Variants in PCDHA8 observed in about 807,000 individuals in gnomAD.
PCDHA8 encodes protocadherin alpha 8.
In PCDHA8, 53 loss-of-function variants were observed where a neutral mutation model predicts 61.8. That is an observed-to-expected ratio of 0.86 (90% CI 0.69 to 1.08). PCDHA8 has a LOEUF of 1.08. PCDHA8 is among the 50% of genes least tolerant of loss of function. PCDHA8 has a pLI of 0.00. For synonymous variants in PCDHA8, 618 were observed against 556.6 expected (o/e 1.11, Z -1.55); for missense variants, 1,293 against 1,245.0 (o/e 1.04, Z -0.58).
chr5:140,952,571 C>G (rs571628495), intron 1 of PCDHA8, among the ~76,000 whole-genome samples: 2 of 152,252 alleles, frequency 1.3e-5, no homozygotes, highest in East Asian at 3.9e-4. Flanking sequence ...ACTTCGGTCC[C>G]AATCATTCAA....
intron 1 of PCDHA8, among the ~76,000 whole-genome samples, chr5:140,890,624 T>C (rs1487627842): frequency 6.6e-6 from 1 of 152,202 alleles, no homozygotes; most frequent in Non-Finnish European, 1.5e-5. Context: ...CCTAGAAAAT[T>C]AAGCATGTAT....
At chr5:140,898,400 C>T (rs1374307667) in intron 1 of PCDHA8, among the ~76,000 whole-genome samples, 1 of 152,178 alleles carries the variant, frequency 6.6e-6, no homozygotes, top group Non-Finnish European at 1.5e-5. Flanking sequence ...TTTCAGCTTT[C>T]TACATACGGC....
chr5:140,988,500 C>T (rs1340106461), intron 3 of PCDHA8, among the ~76,000 whole-genome samples: 1 of 152,116 alleles, frequency 6.6e-6, no homozygotes, highest in Non-Finnish European at 1.5e-5. Flanking sequence ...TAGGAGAAGC[C>T]ATGAAGCTTA....
intron 1 of PCDHA8, among the ~76,000 whole-genome samples, chr5:140,969,715 A>G (rs1312398688): frequency 6.6e-6 from 1 of 152,082 alleles, no homozygotes; most frequent in Non-Finnish European, 1.5e-5. Context: ...CTACAGGGAA[A>G]TTTTTCTTTT....
intron 1 of PCDHA8, chr5:140,883,838 GA>G: frequency 6.2e-7 from 1 of 1,612,738 alleles, no homozygotes; most frequent in Non-Finnish European, 8.5e-7. Context: ...GCAGCCGTTG[GA>G]CCACGAGGAG....
chr5:140,871,364 G>A lies in PCDHA8; in HGVS notation c.2394+27649G>A, dbSNP rs113722940. ...AGCTGGTCATACTCGCAGCAGAGGC[G>A]GCAGAGGGTGTGCTCTGAGGAGGGC... On this transcript the variant is annotated intron_variant, in intron 1 of 3. Transcript: ENST00000531613. The A allele has an allele frequency of 2.5e-5, 40 of 1,614,220 alleles. 1 individual carries two copies. The highest frequency in any genetic ancestry group is 2.0e-4 in the African/African-American group (15 of 75,074).
At chr5:140,871,418 G>A in intron 1 of PCDHA8, 4 of 1,613,874 alleles carry the variant, frequency 2.5e-6, no homozygotes, top group Admixed American at 1.7e-5. Context: ...ATGGCCTTCA[G>A]CCCCAGTCTT....
intron 1 of PCDHA8, among the ~76,000 whole-genome samples, chr5:140,948,147 A>T (rs2094217534): frequency 6.6e-6 from 1 of 151,572 alleles, no homozygotes; most frequent in African/African-American, 2.4e-5. Context: ...TGATTTTTGA[A>T]TGTTGGAAAA....
intron 1 of PCDHA8, among the ~76,000 whole-genome samples, chr5:140,936,344 T>C (rs1403940424): frequency 6.6e-6 from 1 of 152,224 alleles, no homozygotes; most frequent in Non-Finnish European, 1.5e-5. Context: ...TATCTGCATA[T>C]ATGGAATGTG....
intron 1 of PCDHA8, among the ~76,000 whole-genome samples, chr5:140,906,332 T>C (rs2072570393): frequency 6.6e-6 from 1 of 152,186 alleles, no homozygotes; most frequent in Non-Finnish European, 1.5e-5. Context: ...CAACTATCCT[T>C]CATACAACCA....
chr5:140,877,324 G>C (rs782336745), intron 1 of PCDHA8: 3 of 1,613,990 alleles, frequency 1.9e-6, no homozygotes, highest in Non-Finnish European at 2.5e-6. Context: ...GGCGGTCGGC[G>C]CGCACATCCC....
intron 1 of PCDHA8, among the ~76,000 whole-genome samples, chr5:140,945,351 A>C (rs1368185977): frequency 6.6e-6 from 1 of 152,138 alleles, no homozygotes; most frequent in Admixed American, 6.5e-5. Flanking sequence ...GGAAAAATTA[A>C]TACTGTTTAA....
At chr5:140,976,403 TA>T (rs1469780321) in intron 1 of PCDHA8, among the ~76,000 whole-genome samples, 1 of 151,936 alleles carries the variant, frequency 6.6e-6, no homozygotes, top group Non-Finnish European at 1.5e-5. Flanking sequence ...ATTCAAAAAT[TA>T]GCCAGGTACG....
intron 1 of PCDHA8, chr5:140,849,250 C>T: frequency 9.2e-7 from 1 of 1,091,342 alleles, no homozygotes; most frequent in Non-Finnish European, 1.3e-6. Context: ...GTGAAATTAC[C>T]AGAAAACGTT....
intron 1 of PCDHA8, among the ~76,000 whole-genome samples, chr5:140,898,854 C>G (rs1467228131): frequency 2.0e-5 from 3 of 152,150 alleles, no homozygotes; most frequent in Admixed American, 6.6e-5. Flanking sequence ...TTTGTATCCT[C>G]TTTTATTTCA....
At chr5:140,967,072 C>T in intron 1 of PCDHA8, 1 of 1,613,106 alleles carries the variant, frequency 6.2e-7, no homozygotes, top group Non-Finnish European at 8.5e-7. Flanking sequence ...TCTTCGTCAA[C>T]GAGCGCATTG....
chr5:141,010,696 C>A lies in PCDHA8; in HGVS notation c.*759C>A. ...AAACAGAAGCAGATCTGATGTGTTT[C>A]CTATACATGTCCTGTGCTCACTTTA... On this transcript the variant is annotated 3_prime_UTR_variant, in exon 4 of 4. Transcript: ENST00000531613. The A allele has an allele frequency of 6.3e-6, 1 of 159,082 alleles. No individual in the cohort carries two copies. The highest frequency in any genetic ancestry group is 1.4e-5 in the Non-Finnish European group (1 of 71,522). 9.9% of individuals were successfully genotyped at this position (159,082 alleles called of 1,614,324 possible).
intron 3 of PCDHA8, among the ~76,000 whole-genome samples, chr5:140,986,380 G>T (rs1554247980): frequency 6.6e-6 from 1 of 152,130 alleles, no homozygotes; most frequent in African/African-American, 2.4e-5. Flanking sequence ...TGGGGGGAGG[G>T]ACATTAAAGG....
intron 1 of PCDHA8, chr5:140,869,302 G>C (rs985203011): frequency 6.2e-7 from 1 of 1,613,642 alleles, no homozygotes; most frequent in Admixed American, 1.7e-5. Context: ...GTTCCGGGTG[G>C]CGTCCAAAAC....
Sources: allele counts gnomAD v4.1 joint callset (sites outside exome capture counted in the v4.1 genomes callset), GRCh38; gene constraint gnomAD v4.1.1; transcripts MANE v1.5; gene names NCBI Gene and HGNC (gene_info 2026-07-23, HGNC 2026-07-21).